The following RSRC1 variants were observed in gnomAD, a reference collection of about 807,000 sequenced individuals.
RSRC1 encodes arginine and serine rich coiled-coil 1.
In RSRC1, 39 loss-of-function variants were observed where a neutral mutation model predicts 49.1. The observed-to-expected ratio is 0.79, with a 90% CI of 0.61 to 1.04. The LOEUF (loss-of-function observed/expected upper bound fraction) is 1.04, where lower values mean the gene tolerates loss of function less well. RSRC1 is among the 50% of genes least tolerant of loss of function. RSRC1 has a pLI of 0.00. For synonymous variants in RSRC1, 143 were observed against 130.8 expected (o/e 1.09, Z -0.63); for missense variants, 388 against 402.4 (o/e 0.96, Z 0.31).
At chr3:158,121,539 G>A (rs898911568) in intron 1 of RSRC1, among the ~76,000 whole-genome samples, 1 of 152,022 alleles carries the variant, frequency 6.6e-6, no homozygotes, top group African/African-American at 2.4e-5. Flanking sequence ...GATGATTATA[G>A]TTCATTGTTT....
intron 4 of RSRC1, among the ~76,000 whole-genome samples, chr3:158,209,549 AC>A (rs1396489255): frequency 6.6e-6 from 1 of 152,064 alleles, no homozygotes; most frequent in Non-Finnish European, 1.5e-5. Context: ...TTCATTAGGA[AC>A]CTAATTTTGT....
chr3:158,324,436 A>G (rs1005405582), intron 5 of RSRC1, among the ~76,000 whole-genome samples: 3 of 151,848 alleles, frequency 2.0e-5, no homozygotes, highest in African/African-American at 7.3e-5. Flanking sequence ...CCTGTGTCCA[A>G]GTGTTCTCAT....
At chr3:158,511,599 T>A (rs911658806) in intron 7 of RSRC1, among the ~76,000 whole-genome samples, 4 of 152,218 alleles carry the variant, frequency 2.6e-5, no homozygotes, top group Non-Finnish European at 4.4e-5. Flanking sequence ...GCATGTGTCT[T>A]TATAGCAGCA....
chr3:158,179,774 A>G (rs750150351), intron 3 of RSRC1, among the ~76,000 whole-genome samples: 4 of 152,200 alleles, frequency 2.6e-5, no homozygotes, highest in African/African-American at 4.8e-5. Context: ...TTGCTAAGTC[A>G]TAGTAGTTAC....
chr3:158,223,285 T>TA (rs1196361482), intron 4 of RSRC1, among the ~76,000 whole-genome samples: 1 of 151,670 alleles, frequency 6.6e-6, no homozygotes, highest in African/African-American at 2.4e-5. Context: ...CTAGACTTGG[T>TA]AAGGGGGTTC....
intron 6 of RSRC1, among the ~76,000 whole-genome samples, chr3:158,377,611 A>G (rs1732446093): frequency 2.6e-5 from 4 of 151,730 alleles, no homozygotes; most frequent in Admixed American, 2.6e-4. Context: ...CTGTAGGACC[A>G]GGAGCCAAAA....
chr3:158,145,500 T>G (rs1206175296), intron 3 of RSRC1, among the ~76,000 whole-genome samples: 2 of 152,230 alleles, frequency 1.3e-5, no homozygotes, highest in African/African-American at 2.4e-5. Flanking sequence ...TATCTCTGTT[T>G]TGGTAGCAGT....
chr3:158,211,107 C>T (rs1721649931), intron 4 of RSRC1, among the ~76,000 whole-genome samples: 1 of 151,874 alleles, frequency 6.6e-6, no homozygotes, highest in Admixed American at 6.6e-5. Context: ...ATTACATGGT[C>T]TATAAAAAAT....
At chr3:158,449,785 C>G (rs1359598733) in intron 6 of RSRC1, among the ~76,000 whole-genome samples, 2 of 151,928 alleles carry the variant, frequency 1.3e-5, no homozygotes, top group Non-Finnish European at 2.9e-5. Flanking sequence ...TTCTTGAGTT[C>G]TAGTCATTTT....
chr3:158,381,936 A>AT (rs971893926), intron 6 of RSRC1, among the ~76,000 whole-genome samples: 5 of 151,980 alleles, frequency 3.3e-5, no homozygotes, highest in Admixed American at 2.6e-4. Context: ...ATTCATTTAA[A>AT]TTTTTTTTGT....
At chr3:158,328,221 A>T (rs1306841132) in intron 5 of RSRC1, among the ~76,000 whole-genome samples, 2 of 152,162 alleles carry the variant, frequency 1.3e-5, no homozygotes, top group African/African-American at 4.8e-5. Context: ...TGGAGCATTT[A>T]GCCCATTTAT....
intron 7 of RSRC1, among the ~76,000 whole-genome samples, chr3:158,531,167 G>GCTTT (rs909280209): frequency 2.0e-5 from 3 of 151,242 alleles, no homozygotes; most frequent in African/African-American, 7.3e-5. Flanking sequence ...GGGAGAAGAA[G>GCTTT]CTTTCACTCA....
chr3:158,493,085 G>T (rs891772303), intron 7 of RSRC1, among the ~76,000 whole-genome samples: 2 of 152,162 alleles, frequency 1.3e-5, no homozygotes, highest in Admixed American at 6.5e-5. Flanking sequence ...TCTACTGGAG[G>T]GGGAGTGGGA....
chr3:158,351,890 TATATA>T (rs71868209), intron 5 of RSRC1, among the ~76,000 whole-genome samples: 10,854 of 146,804 alleles, frequency 0.074, 1,359 homozygotes, highest in African/African-American at 0.26. Flanking sequence ...ATATAACTAT[TATATA>T]ATATATAATT....
chr3:158,518,144 A>ATTT (rs1179259389), intron 7 of RSRC1, among the ~76,000 whole-genome samples: 234 of 70,900 alleles, frequency 3.3e-3, no homozygotes, highest in Non-Finnish European at 4.9e-3. Context: ...ATATATATAT[A>ATTT]TATATTTTTT....
intron 4 of RSRC1, among the ~76,000 whole-genome samples, chr3:158,290,839 A>G (rs1157674691): frequency 6.6e-6 from 1 of 152,208 alleles, no homozygotes; most frequent in Non-Finnish European, 1.5e-5. Flanking sequence ...AGAAAACTGC[A>G]GCATACTAGT....
chr3:158,245,622 T>TA (rs1172467528), intron 4 of RSRC1, among the ~76,000 whole-genome samples: 8 of 152,206 alleles, frequency 5.3e-5, no homozygotes, highest in Non-Finnish European at 1.5e-5. Flanking sequence ...AGTGGCTTGT[T>TA]AAAGTCTCCC....
intron 3 of RSRC1, among the ~76,000 whole-genome samples, chr3:158,192,314 G>A (rs1720293569): frequency 6.6e-6 from 1 of 152,016 alleles, no homozygotes; most frequent in Non-Finnish European, 1.5e-5. Flanking sequence ...AACCACACCA[G>A]CAACATTTAT....
chr3:158,348,774 C>G (rs1560004800), intron 5 of RSRC1, among the ~76,000 whole-genome samples: 1 of 152,062 alleles, frequency 6.6e-6, no homozygotes, highest in African/African-American at 2.4e-5. Flanking sequence ...CCTGTTTTCT[C>G]CATCTTTATG....
Sources: gnomAD v4.1 joint callset for allele counts (sites outside exome capture counted in the v4.1 genomes callset) on GRCh38, gnomAD v4.1.1 for gene constraint, MANE v1.5 for transcripts, NCBI Gene and HGNC (gene_info 2026-07-23, HGNC 2026-07-21) for gene names.